PLXNA4: variants seen among roughly 807,000 people sequenced by gnomAD.
PLXNA4 encodes plexin A4.
Under a neutral mutation model 191.8 loss-of-function variants are expected in PLXNA4, and 44 were observed. The ratio of observed to expected loss-of-function variants is 0.23; its 90% CI spans 0.18 to 0.29. The LOEUF is 0.29. Among genes scored for constraint, PLXNA4 ranks in the 10% least tolerant of loss-of-function variants. PLXNA4 has a pLI of 1.00. For missense variants in PLXNA4, 1,800 were observed against 2,488.8 expected, an observed-to-expected ratio of 0.72 and a Z score of 5.89; for synonymous variants, 1,082 against 1,009.5, an observed-to-expected ratio of 1.07 and a Z score of -1.36.
intron 3 of PLXNA4, among the ~76,000 whole-genome samples, chr7:132,342,946 C>CAAAAAAAAAAA (rs370055779): frequency 9.8e-6 from 1 of 102,428 alleles, no homozygotes; most frequent in African/African-American, 3.4e-5. Flanking sequence ...GACTCTGCCT[C>CAAAAAAAAAAA]AAAAAAAAAA....
chr7:132,540,357 A>G (rs115647429), intron 1 of PLXNA4, among the ~76,000 whole-genome samples: 1,538 of 152,240 alleles, frequency 0.01, 24 homozygotes, highest in African/African-American at 0.035. Flanking sequence ...CTTATTTAAC[A>G]TGCAATTGCT....
chr7:132,179,666 C>T, intron 20 of PLXNA4, 21 bp downstream of exon 20: 2 of 1,604,130 alleles, frequency 1.2e-6, no homozygotes, highest in Non-Finnish European at 1.7e-6. Context: ...ACATGGCCTC[C>T]AGCATGGGGC....
At chr7:132,229,818 AG>A (rs1798462692) in intron 5 of PLXNA4, among the ~76,000 whole-genome samples, 1 of 151,944 alleles carries the variant, frequency 6.6e-6, no homozygotes, top group South Asian at 2.1e-4. Flanking sequence ...CAAGGAGATG[AG>A]GGAAGGGGGT....
intron 3 of PLXNA4, among the ~76,000 whole-genome samples, chr7:132,329,476 C>T (rs1039413788): frequency 2.0e-5 from 3 of 152,188 alleles, no homozygotes; most frequent in Non-Finnish European, 4.4e-5. Flanking sequence ...GCCAGGGCCC[C>T]AGGGGTCCAG....
intron 1 of PLXNA4, among the ~76,000 whole-genome samples, chr7:132,560,817 C>T (rs1392586421): frequency 6.6e-6 from 1 of 152,126 alleles, no homozygotes; most frequent in Non-Finnish European, 1.5e-5. Context: ...CCACCACCTT[C>T]ACCGCCATAT....
At chr7:132,352,305 C>T (rs1803522564) in intron 3 of PLXNA4, 1 of 152,348 alleles carries the variant, frequency 6.6e-6, no homozygotes, top group South Asian at 2.1e-4. Flanking sequence ...CCTGACTGGC[C>T]AGCTTCCGGT....
intron 3 of PLXNA4, among the ~76,000 whole-genome samples, chr7:132,322,423 T>C (rs1000537748): frequency 6.6e-6 from 1 of 152,152 alleles, no homozygotes; most frequent in South Asian, 2.1e-4. Flanking sequence ...CCTCAAGTGA[T>C]CCACCCGCCT....
At chr7:132,420,857 C>T (rs148746573) in intron 3 of PLXNA4, among the ~76,000 whole-genome samples, 1 of 152,306 alleles carries the variant, frequency 6.6e-6, no homozygotes, top group Non-Finnish European at 1.5e-5. Flanking sequence ...ACTCTCTTCT[C>T]TTCTCTTGTC....
intron 3 of PLXNA4, among the ~76,000 whole-genome samples, chr7:132,328,809 G>A (rs1407313570): frequency 6.6e-6 from 1 of 152,154 alleles, no homozygotes; most frequent in East Asian, 1.9e-4. Context: ...TGCACCGCAG[G>A]TGCTCTACAA....
At chr7:132,326,508 C>G (rs1403470262) in intron 3 of PLXNA4, among the ~76,000 whole-genome samples, 3 of 152,082 alleles carry the variant, frequency 2.0e-5, no homozygotes, top group Non-Finnish European at 4.4e-5. Context: ...CTTGCCCCTG[C>G]TCATTTCCCG....
intron 2 of PLXNA4, among the ~76,000 whole-genome samples, chr7:132,613,289 C>T (rs760364242): frequency 9.2e-5 from 14 of 152,156 alleles, no homozygotes; most frequent in Non-Finnish European, 2.1e-4. Flanking sequence ...GCTGCCTCCT[C>T]ACGCCACCAG....
intron 2 of PLXNA4, among the ~76,000 whole-genome samples, chr7:132,615,750 C>A (rs1284085972): frequency 6.6e-6 from 1 of 152,118 alleles, no homozygotes; most frequent in Non-Finnish European, 1.5e-5. Flanking sequence ...AGACTCTGTC[C>A]ACATCAGCTT....
chr7:132,256,000 T>A (rs554672121), intron 4 of PLXNA4, among the ~76,000 whole-genome samples: 2 of 152,322 alleles, frequency 1.3e-5, no homozygotes, highest in Admixed American at 1.3e-4. Flanking sequence ...TGAACAAGCA[T>A]AACCAAAAGC....
intron 4 of PLXNA4, among the ~76,000 whole-genome samples, chr7:132,284,866 C>A (rs1374505797): frequency 3.3e-5 from 5 of 152,078 alleles, no homozygotes; most frequent in African/African-American, 7.2e-5. Flanking sequence ...AGGCATACAC[C>A]ACCACGCCTG....
At chr7:132,618,147 C>T (rs1407682930) in intron 2 of PLXNA4, among the ~76,000 whole-genome samples, 5 of 152,178 alleles carry the variant, frequency 3.3e-5, no homozygotes, top group East Asian at 1.9e-4. Context: ...AAATGCAGTC[C>T]CTAGCTGGGC....
chr7:132,154,059 A>G (rs949105175), intron 25 of PLXNA4, among the ~76,000 whole-genome samples: 1 of 152,088 alleles, frequency 6.6e-6, no homozygotes, highest in African/African-American at 2.4e-5. Flanking sequence ...TCATGACCAC[A>G]TGCCTGGACC....
chr7:132,369,926 G>A (rs1447280470), intron 3 of PLXNA4, among the ~76,000 whole-genome samples: 7 of 152,006 alleles, frequency 4.6e-5, no homozygotes, highest in Non-Finnish European at 1.5e-5. Flanking sequence ...AAATTAGCCG[G>A]GTGTGGTGCC....
Position 132,321,212 on chromosome 7 carries a change from C to G in PLXNA4, c.1372-22990G>C, listed in dbSNP as rs562909935. 8.5e-5 allele frequency among the ~76,000 whole-genome samples: 13 copies of G among 152,288 alleles called. No individual in the cohort carries two copies. The East Asian group carries it at 2.5e-3, about 29-fold the overall frequency. ...CTCTTTCTCCTGACAAAGAGAAGAG[C>G]TTGGCAGGGGTTGGTTAAGTTAACT... On this transcript the variant is annotated intron_variant, in intron 3 of 31. Transcript: ENST00000321063.
chr7:132,594,182 A>T (rs1563189436), intron 2 of PLXNA4, among the ~76,000 whole-genome samples: 1 of 152,266 alleles, frequency 6.6e-6, no homozygotes, highest in Non-Finnish European at 1.5e-5. Flanking sequence ...ATGAGGTCAT[A>T]CTGGAGGAGC....
Sources: gnomAD v4.1 joint callset for allele counts (sites outside exome capture counted in the v4.1 genomes callset) on GRCh38, gnomAD v4.1.1 for gene constraint, MANE v1.5 for transcripts, NCBI Gene and HGNC (gene_info 2026-07-23, HGNC 2026-07-21) for gene names.